Variants in EMP2 observed in about 807,000 individuals in gnomAD.
The protein encoded by EMP2 is epithelial membrane protein 2.
EMP2 carries 19 observed loss-of-function variants against 13.7 expected under a neutral mutation model. The ratio of observed to expected loss-of-function variants is 1.38; its 90% CI spans 0.97 to 2.03. The LOEUF (loss-of-function observed/expected upper bound fraction) is 2.03. EMP2 is among the 30% of genes most tolerant of loss of function. The pLI, the probability that EMP2 is intolerant of heterozygous loss-of-function variation, is 0.00. For missense variants in EMP2, 253 were observed against 220.7 expected (o/e 1.15, Z -0.93); for synonymous variants, 97 against 84.7 (o/e 1.15, Z -0.80).
Position 10,580,348 on chromosome 16 carries a change from G to C in EMP2, c.-61+201C>G, listed in dbSNP as rs781682996. Among the ~76,000 whole-genome samples the C allele has an allele frequency of 6.6e-6, 1 of 152,222 alleles. No individual in the cohort carries two copies. Among genetic ancestry groups the C allele is most frequent in the Non-Finnish European group, 1.5e-5 (1 of 68,028 alleles). Reference sequence around the variant, plus strand: ...GAAGCTGTCCCGGGATGGCGAAGTGGAATTCTGGGGCCGGAGCGAGCGTGG... The same window carrying C: ...GAAGCTGTCCCGGGATGGCGAAGTGCAATTCTGGGGCCGGAGCGAGCGTGG... On this transcript the variant is annotated intron_variant, in intron 1 of 4. Coordinates refer to ENST00000359543, the MANE Select transcript of EMP2 (RefSeq NM_001424.6). The surrounding 1 kb of genome is among the most constrained non-coding windows in gnomAD (Gnocchi z 4.3).
intron 1 of EMP2, among the ~76,000 whole-genome samples, chr16:10,550,883 G>A (rs914010240): frequency 2.0e-5 from 3 of 151,690 alleles, no homozygotes; most frequent in East Asian, 1.9e-4. Flanking sequence ...GCTGAGGCAG[G>A]AGAATCACTT....
intron 1 of EMP2, among the ~76,000 whole-genome samples, chr16:10,564,308 T>C (rs1456627462): frequency 2.6e-5 from 4 of 152,002 alleles, no homozygotes; most frequent in East Asian, 3.9e-4. Flanking sequence ...CTGGCCAACA[T>C]GGTGAAACCC....
In EMP2 at chr16:10,532,886, G is replaced by T. The variant is rs1357839741; in HGVS notation, c.*19C>A. 3 of 1,408,642 alleles carry T rather than the reference G, an allele frequency of 2.1e-6. No homozygotes were observed. The highest frequency in any genetic ancestry group is 2.8e-6 in the Non-Finnish European group (3 of 1,068,504). The allele number at this position is 1,408,642 out of a possible 1,614,324, so 87.3% of individuals were successfully genotyped here. A position where few individuals can be genotyped will look rare whatever the true frequency, so the allele number is the denominator to read the frequency against. ...ATGTGGATTCTGTACTGCAGCAGAA[G>T]CAACCCAGCTCCGGAACTCTATTTG... On this transcript the variant is annotated 3_prime_UTR_variant, in exon 5 of 5. Coordinates refer to ENST00000359543, the MANE Select transcript of EMP2 (RefSeq NM_001424.6).
In EMP2 at chr16:10,547,540, A is replaced by G. The variant is rs1245137022; in HGVS notation, c.78T>C (p.Asn26=). 4 of 1,614,022 alleles carry G rather than the reference A, an allele frequency of 2.5e-6. No homozygotes were observed. Among genetic ancestry groups the G allele is most frequent in the Non-Finnish European group, 3.4e-6 (4 of 1,179,994 alleles). Residue 26 remains asparagine (N), a splice_region_variant and synonymous_variant, in exon 2 of 5, where the codon AAT becomes AAC. Transcript: ENST00000359543. Reference sequence around the variant, plus strand: ...GTGAGTGGCAGGAAAGGAAACTTACATTGTCGACGGTGGCAATGAACAGCA... The same window carrying G: ...GTGAGTGGCAGGAAAGGAAACTTACGTTGTCGACGGTGGCAATGAACAGCA... ...AALLFIATVD[N]AWWVGDEFFA...
intron 4 of EMP2, among the ~76,000 whole-genome samples, chr16:10,534,484 G>T (rs1478088878): frequency 6.6e-6 from 1 of 152,162 alleles, no homozygotes; most frequent in African/African-American, 2.4e-5. Context: ...TGTGGTCCTT[G>T]GCTGGGTGCG....
intron 4 of EMP2, among the ~76,000 whole-genome samples, 161 bp from the exon 5 acceptor site, chr16:10,533,253 G>T (rs1314723158): frequency 1.3e-5 from 2 of 152,152 alleles, no homozygotes; most frequent in Non-Finnish European, 2.9e-5. Context: ...ACCCAGGCTG[G>T]TCTTGAACTC....
In EMP2 at chr16:10,531,065, A is replaced by C. The variant is rs1555458181; in HGVS notation, c.*1840T>G. 6.6e-6 allele frequency: 1 copy of C among 151,902 alleles called. No homozygotes were observed. The allele number at this position is 151,902 out of a possible 1,614,324, so 9.4% of individuals were successfully genotyped here. Reference sequence around the variant, plus strand: ...CGGCTCACTGCGACCTCCGCCTCCCAGTTTCAAGCGATTCTCCTGCCTCAG... The same window carrying C: ...CGGCTCACTGCGACCTCCGCCTCCCCGTTTCAAGCGATTCTCCTGCCTCAG... On this transcript the variant is annotated 3_prime_UTR_variant, in exon 5 of 5. Coordinates refer to ENST00000359543, the MANE Select transcript of EMP2 (RefSeq NM_001424.6).
intron 1 of EMP2, among the ~76,000 whole-genome samples, chr16:10,573,835 AT>A (rs1208004582): frequency 1.3e-5 from 2 of 152,112 alleles, no homozygotes; most frequent in Admixed American, 1.3e-4. Context: ...GTTTATATGA[AT>A]AATACACTTT....
At chr16:10,570,999 C>A (rs2050942992) in intron 1 of EMP2, among the ~76,000 whole-genome samples, 1 of 151,598 alleles carries the variant, frequency 6.6e-6, no homozygotes, top group Non-Finnish European at 1.5e-5. Flanking sequence ...TGGCTCATGC[C>A]TGTAATCCCA....
chr16:10,574,890 C>T (rs2050971871), intron 1 of EMP2, among the ~76,000 whole-genome samples: 1 of 152,150 alleles, frequency 6.6e-6, no homozygotes, highest in African/African-American at 2.4e-5. Context: ...GGGTTTCACT[C>T]TGTCTCCCAG....
chr16:10,549,517 T>C (rs1277264126), intron 1 of EMP2, among the ~76,000 whole-genome samples: 4 of 152,198 alleles, frequency 2.6e-5, no homozygotes, highest in Non-Finnish European at 5.9e-5. Flanking sequence ...CATCAAATGA[T>C]CTGGTTGGAA....
chr16:10,569,390 T>C (rs927483440), intron 1 of EMP2, among the ~76,000 whole-genome samples: 17 of 152,234 alleles, frequency 1.1e-4, no homozygotes, highest in African/African-American at 3.6e-4. Context: ...TGGAATGCAG[T>C]GGCATGATCA....
At chr16:10,568,625 C>T (rs1281691712) in intron 1 of EMP2, among the ~76,000 whole-genome samples, 3 of 152,120 alleles carry the variant, frequency 2.0e-5, no homozygotes, top group Non-Finnish European at 2.9e-5. Context: ...CACAGGGTAA[C>T]CTGGGGCAAG....
At chr16:10,565,119 C>G (rs1462410784) in intron 1 of EMP2, among the ~76,000 whole-genome samples, 1 of 152,170 alleles carries the variant, frequency 6.6e-6, no homozygotes, top group Non-Finnish European at 1.5e-5. Flanking sequence ...AAGTCATATT[C>G]GCACAAAACT....
At chr16:10,576,933 G>A (rs960931219) in intron 1 of EMP2, among the ~76,000 whole-genome samples, 1 of 152,228 alleles carries the variant, frequency 6.6e-6, no homozygotes, top group Non-Finnish European at 1.5e-5. Context: ...CCAGTGCTCA[G>A]TGGGAAGTGA....
At chr16:10,546,432 A>C (rs1156966992) in intron 2 of EMP2, 1 of 152,220 alleles carries the variant, frequency 6.6e-6, no homozygotes, top group African/African-American at 2.4e-5. Context: ...TATCCAATAC[A>C]TTCCTGCCAT....
At chr16:10,533,534 C>T (rs373830006) in intron 4 of EMP2, among the ~76,000 whole-genome samples, 1 of 152,160 alleles carries the variant, frequency 6.6e-6, no homozygotes, top group African/African-American at 2.4e-5. Flanking sequence ...GGTCCACAGA[C>T]GTACCCTGTA....
At chr16:10,559,442 C>T (rs1285782902) in intron 1 of EMP2, among the ~76,000 whole-genome samples, 1 of 152,232 alleles carries the variant, frequency 6.6e-6, no homozygotes, top group East Asian at 1.9e-4. Context: ...GAAATGGCAA[C>T]AGGCGGGACA....
At chr16:10,543,443 GGCCA>G in intron 3 of EMP2, 123 bp downstream of exon 3, 1 of 1,053,648 alleles carries the variant, frequency 9.5e-7, no homozygotes, top group Admixed American at 1.9e-5. Flanking sequence ...GAGCAAACGC[GGCCA>G]GGCCCACCGG....
Sources: allele counts gnomAD v4.1 joint callset (sites outside exome capture counted in the v4.1 genomes callset), GRCh38; gene constraint gnomAD v4.1.1; non-coding constraint Gnocchi (gnomAD v3.1); transcripts MANE v1.5; gene names NCBI Gene and HGNC (gene_info 2026-07-23, HGNC 2026-07-21).